DPP6: variants seen among roughly 807,000 people sequenced by gnomAD.
DPP6 encodes dipeptidyl peptidase like 6, also known as A-type potassium channel modulatory protein DPP6.
A neutral mutation model predicts 122.6 loss-of-function variants in DPP6; 69 were observed. The observed-to-expected ratio is 0.56, with a 90% CI of 0.46 to 0.69. The LOEUF (loss-of-function observed/expected upper bound fraction) is 0.69, where lower values mean the gene tolerates loss of function less well. Ranked by LOEUF, DPP6 falls within the 30% of genes least tolerant of loss-of-function variation. The pLI, the probability that DPP6 is intolerant of heterozygous loss-of-function variation, is 0.00. For synonymous variants in DPP6, 418 were observed against 433.1 expected (o/e 0.97, Z 0.43); for missense variants, 928 against 1,116.9 (o/e 0.83, Z 2.41).
At chr7:154,386,105 G>T (rs1767378290) in intron 1 of DPP6, among the ~76,000 whole-genome samples, 1 of 152,120 alleles carries the variant, frequency 6.6e-6, no homozygotes, top group Non-Finnish European at 1.5e-5. Flanking sequence ...CCTCAGGTGT[G>T]GACATCGCTG....
chr7:154,814,694 T>G (rs2150482955), intron 16 of DPP6, among the ~76,000 whole-genome samples: 1 of 152,324 alleles, frequency 6.6e-6, no homozygotes, highest in South Asian at 2.1e-4. Flanking sequence ...AAATCCAAAA[T>G]CAAGCTGTTA....
intron 8 of DPP6, among the ~76,000 whole-genome samples, chr7:154,757,763 G>A (rs935262830): frequency 6.6e-6 from 1 of 152,190 alleles, no homozygotes; most frequent in Non-Finnish European, 1.5e-5. Flanking sequence ...ACACGGGAGG[G>A]GCACGTTCAA....
chr7:154,777,628 T>C (rs1222167381), intron 10 of DPP6, among the ~76,000 whole-genome samples: 1 of 152,122 alleles, frequency 6.6e-6, no homozygotes, highest in Non-Finnish European at 1.5e-5. Flanking sequence ...CGTGTTGAGT[T>C]AAGATGCGGC....
At chr7:154,214,155 A>G (rs1799877152) in intron 1 of DPP6, among the ~76,000 whole-genome samples, 1 of 152,264 alleles carries the variant, frequency 6.6e-6, no homozygotes, top group Non-Finnish European at 1.5e-5. Flanking sequence ...AGACACTATC[A>G]GCACACTTCA....
chr7:153,757,878 G>A, the DPP6 span, among the ~76,000 whole-genome samples: 1 of 152,196 alleles, frequency 6.6e-6, no homozygotes, highest in Non-Finnish European at 1.5e-5. Context: ...AGAATCGCTT[G>A]AACCCAGGAG....
At chr7:154,319,513 G>A (rs1331581398) in intron 1 of DPP6, among the ~76,000 whole-genome samples, 1 of 152,116 alleles carries the variant, frequency 6.6e-6, no homozygotes, top group Non-Finnish European at 1.5e-5. Context: ...GGCCAACATG[G>A]TGAAACCCCA....
chr7:154,301,971 C>G (rs937033228), intron 1 of DPP6, among the ~76,000 whole-genome samples: 8 of 151,934 alleles, frequency 5.3e-5, no homozygotes, highest in Admixed American at 5.2e-4. Context: ...GAGCGTGACA[C>G]CACGCCCGGC....
At chr7:153,970,972 C>T (rs1795989244) in intron 1 of DPP6, among the ~76,000 whole-genome samples, 3 of 151,848 alleles carry the variant, frequency 2.0e-5, no homozygotes, top group Admixed American at 2.0e-4. Context: ...TTCTAGATTA[C>T]TTATGTTTCA....
chr7:154,458,464 G>A (rs1040485825), intron 2 of DPP6, among the ~76,000 whole-genome samples: 2 of 152,076 alleles, frequency 1.3e-5, no homozygotes, highest in African/African-American at 4.8e-5. Flanking sequence ...TTTCTTCATA[G>A]CAGTATGAAA....
At chr7:154,362,037 C>G (rs537643850) in intron 1 of DPP6, among the ~76,000 whole-genome samples, 2 of 152,318 alleles carry the variant, frequency 1.3e-5, no homozygotes, top group Non-Finnish European at 2.9e-5. Context: ...AGAGGGGAAC[C>G]ACTGTGAGAA....
intron 16 of DPP6, among the ~76,000 whole-genome samples, chr7:154,844,636 A>C (rs1341424624): frequency 6.6e-6 from 1 of 152,220 alleles, no homozygotes; most frequent in Admixed American, 6.5e-5. Context: ...CATAGACAGT[A>C]GTGGGCATGC....
At chr7:154,643,025 T>C (rs1836207758) in intron 6 of DPP6, among the ~76,000 whole-genome samples, 1 of 152,232 alleles carries the variant, frequency 6.6e-6, no homozygotes. Context: ...AATTAAATAT[T>C]ATCAGACTTT....
chr7:154,846,233 G>C (rs938053426), intron 16 of DPP6, among the ~76,000 whole-genome samples: 1 of 150,106 alleles, frequency 6.7e-6, no homozygotes, highest in Admixed American at 6.6e-5. Flanking sequence ...TGTATGTGTG[G>C]GTATATATAT....
At chr7:154,068,031 G>A (rs1802865233) in intron 1 of DPP6, among the ~76,000 whole-genome samples, 1 of 151,474 alleles carries the variant, frequency 6.6e-6, no homozygotes, top group Non-Finnish European at 1.5e-5. Flanking sequence ...CAAAGTACTG[G>A]GATTACAGGC....
chr7:153,980,448 T>G (rs906766226), intron 1 of DPP6, among the ~76,000 whole-genome samples: 1 of 152,200 alleles, frequency 6.6e-6, no homozygotes, highest in Non-Finnish European at 1.5e-5. Flanking sequence ...TTCTTCTTTA[T>G]TAGTCTGGTT....
At position 154,374,907 on chromosome 7, in the gene DPP6, C is replaced by A. The variant is rs557843210; in HGVS notation, c.244-71307C>A. On this transcript the variant is annotated intron_variant, in intron 1 of 25. Coordinates refer to ENST00000377770, the MANE Select transcript of DPP6 (RefSeq NM_130797.4). The stretch of plus-strand genomic sequence containing the variant: ...GATTACAGGCGTGAGCCACCGCGCC[C>A]GGCCGACATTATAGTTTTAATTAAT... 1.4e-4 allele frequency among the ~76,000 whole-genome samples: 21 copies of A among 152,294 alleles called. No homozygotes were observed. The South Asian group carries it at 4.1e-3, about 30-fold the overall frequency.
chr7:154,561,709 A>G (rs1830437666), intron 4 of DPP6, among the ~76,000 whole-genome samples: 1 of 152,184 alleles, frequency 6.6e-6, no homozygotes, highest in Non-Finnish European at 1.5e-5. Context: ...AATCAACTAC[A>G]CAGAAAACAG....
intron 1 of DPP6, among the ~76,000 whole-genome samples, chr7:153,958,977 C>T (rs1283958570): frequency 2.0e-5 from 3 of 152,158 alleles, no homozygotes; most frequent in Non-Finnish European, 2.9e-5. Flanking sequence ...TGGCAGAGCA[C>T]GCCGTTGAGG....
chr7:154,452,415 G>A (rs1331767879), intron 2 of DPP6, among the ~76,000 whole-genome samples: 1 of 152,200 alleles, frequency 6.6e-6, no homozygotes, highest in Non-Finnish European at 1.5e-5. Context: ...TTCAACAGTG[G>A]AGAATCCAAG....
Sources: allele counts gnomAD v4.1 joint callset (sites outside exome capture counted in the v4.1 genomes callset), GRCh38; gene constraint gnomAD v4.1.1; transcripts MANE v1.5; gene names NCBI Gene and HGNC (gene_info 2026-07-23, HGNC 2026-07-21).